The following CYP19A1 variants were observed in gnomAD, a reference collection of about 807,000 sequenced individuals.
CYP19A1 encodes the protein cytochrome P450 family 19 subfamily A member 1.
A neutral mutation model predicts 44.4 loss-of-function variants in CYP19A1; 32 were observed. That is an observed-to-expected ratio of 0.72 (90% confidence interval 0.54 to 0.97). The LOEUF (loss-of-function observed/expected upper bound fraction) is 0.97, where lower values mean the gene tolerates loss of function less well. CYP19A1 is among the 50% of genes least tolerant of loss of function. The pLI is 0.00. For synonymous variants in CYP19A1, 212 were observed against 215.6 expected (o/e 0.98, Z 0.14); for missense variants, 598 against 637.8 (o/e 0.94, Z 0.67).
chr15:51,262,045 T>G (rs1420174553), intron 1 of CYP19A1, among the ~76,000 whole-genome samples: 1 of 152,166 alleles, frequency 6.6e-6, no homozygotes, highest in East Asian at 1.9e-4. Context: ...GTCATGGCCA[T>G]AATGCCCATG....
rs147973841 is a variant in CYP19A1, at chr15:51,220,199, A to C, written c.629-1544T>G. Among the ~76,000 whole-genome samples the C allele has an allele frequency of 2.5e-3, 379 of 152,310 alleles. 3 individuals are homozygous for C. The highest frequency in any genetic ancestry group is 8.3e-3 in the African/African-American group (346 of 41,552). On this transcript the variant is annotated intron_variant, in intron 5 of 9. Coordinates refer to ENST00000396402, the MANE Select transcript of CYP19A1 (RefSeq NM_000103.4). ...GCCTCACTAAATTCGAGCTATGGTC[A>C]AATGTCTTCTCTGCAGAGGCCTTTT...
chr15:51,283,246 C>G (rs1295576838), intron 1 of CYP19A1, among the ~76,000 whole-genome samples: 1 of 152,134 alleles, frequency 6.6e-6, no homozygotes, highest in Non-Finnish European at 1.5e-5. Flanking sequence ...TTTTACTAGC[C>G]CGTTGGCTCC....
intron 1 of CYP19A1, among the ~76,000 whole-genome samples, chr15:51,303,058 C>G (rs1257000260): frequency 6.6e-6 from 1 of 152,246 alleles, no homozygotes; most frequent in Non-Finnish European, 1.5e-5. Context: ...ACCGCTCTTT[C>G]TCTTTCACAG....
rs1455401657 is a variant in CYP19A1 at position 51,242,834 on chromosome 15, G to A, written c.79C>T (p.Pro27Ser). The A allele has an allele frequency of 3.1e-6, 5 of 1,589,414 alleles. No individual in the cohort carries two copies. Among genetic ancestry groups the A allele is most frequent in the African/African-American group, 1.3e-5 (1 of 74,380 alleles). ...VPEAMPAATM[P>S]VLLLTGLFLL... Reference sequence around the variant, plus strand: ...AAAAGGCCAGTGAGGAGCAGGACTGGCATGGTGGCAGCAGGCATGGCTTCA... The same window carrying A: ...AAAAGGCCAGTGAGGAGCAGGACTGACATGGTGGCAGCAGGCATGGCTTCA... The change falls in exon 2 of 10, where the codon CCA (proline) becomes TCA (serine). Residue 27 changes from proline to serine, a missense_variant. Coordinates refer to ENST00000396402, the MANE Select transcript of CYP19A1 (RefSeq NM_000103.4).
At chr15:51,286,927 G>A (rs550895586) in intron 1 of CYP19A1, among the ~76,000 whole-genome samples, 7 of 152,296 alleles carry the variant, frequency 4.6e-5, no homozygotes, top group African/African-American at 1.7e-4. Flanking sequence ...GCCTCTAGAG[G>A]GGACAGGAGG....
chr15:51,218,394 T>A (rs1446957985), intron 6 of CYP19A1, 147 bp downstream of exon 6: 1 of 1,236,640 alleles, frequency 8.1e-7, no homozygotes, highest in Non-Finnish European at 1.1e-6. Context: ...CTGTAAAAAG[T>A]GTTTCATCAG....
In CYP19A1 at chr15:51,283,191, C is replaced by T. The variant is rs868531675; in HGVS notation, c.-38-40241G>A. On this transcript the variant is annotated intron_variant, in intron 1 of 9. Coordinates refer to ENST00000396402, the MANE Select transcript of CYP19A1 (RefSeq NM_000103.4). ...AATTTCAGATTCTGAATGTGAGGAACAGAAACCGGAGGAAATTAAAGAAAG... is the reference window on the plus strand; with the variant it reads ...AATTTCAGATTCTGAATGTGAGGAATAGAAACCGGAGGAAATTAAAGAAAG... Among the ~76,000 whole-genome samples, 7 of 151,422 alleles carry T rather than the reference C, an allele frequency of 4.6e-5. No individual in the cohort carries two copies. The South Asian group carries it at 1.2e-3, about 27-fold the overall frequency.
At chr15:51,233,072 G>C (rs997467110) in intron 3 of CYP19A1, among the ~76,000 whole-genome samples, 1 of 152,188 alleles carries the variant, frequency 6.6e-6, no homozygotes, top group African/African-American at 2.4e-5. Context: ...CCAGGTCTCT[G>C]CATGGGCTAC....
At chr15:51,212,213 G>GAGTA in intron 9 of CYP19A1, 107 bp downstream of exon 9, 1 of 857,852 alleles carries the variant, frequency 1.2e-6, no homozygotes, top group Non-Finnish European at 2.0e-6. Flanking sequence ...CAGAGGGAAT[G>GAGTA]AGTAAGAAAA....
intron 1 of CYP19A1, among the ~76,000 whole-genome samples, chr15:51,263,220 G>A (rs570453662): frequency 1.3e-4 from 20 of 152,312 alleles, no homozygotes; most frequent in East Asian, 5.8e-4. Flanking sequence ...TCACTGAAGC[G>A]GAAGAGAGAG....
At chr15:51,278,824 T>TTTC (rs2035418007) in intron 1 of CYP19A1, 1 of 152,212 alleles carries the variant, frequency 6.6e-6, no homozygotes, top group South Asian at 2.1e-4. Context: ...GAGAGGAGCC[T>TTTC]TTCTCTCTTT....
At chr15:51,227,573 G>A (rs936945669) in intron 4 of CYP19A1, among the ~76,000 whole-genome samples, 18 of 151,896 alleles carry the variant, frequency 1.2e-4, no homozygotes, top group Admixed American at 9.2e-4. Flanking sequence ...GCGAGGCTGA[G>A]GTGGGAGAAT....
intron 1 of CYP19A1, among the ~76,000 whole-genome samples, chr15:51,319,625 T>C (rs2036491352): frequency 6.6e-6 from 1 of 152,256 alleles, no homozygotes; most frequent in Admixed American, 6.5e-5. Context: ...GTTTCTTCAT[T>C]GGCTGCAGGA....
At chr15:51,289,133 T>C (rs28757122) in intron 1 of CYP19A1, among the ~76,000 whole-genome samples, 22,921 of 152,152 alleles carry the variant, frequency 0.15, 3,289 homozygotes, top group African/African-American at 0.37. Flanking sequence ...AGCAGACATG[T>C]GGAATTGTTT....
chr15:51,262,097 T>G (rs764070986), intron 1 of CYP19A1, among the ~76,000 whole-genome samples: 26 of 152,208 alleles, frequency 1.7e-4, no homozygotes, highest in Non-Finnish European at 3.1e-4. Context: ...AAGGAACACC[T>G]GGCCCACCCA....
At chr15:51,214,882 T>A in intron 8 of CYP19A1, 188 bp downstream of exon 8, 1 of 942,892 alleles carries the variant, frequency 1.1e-6, no homozygotes, top group Non-Finnish European at 1.5e-6. Context: ...ATTTTTATGA[T>A]TAAGAACACA....
intron 1 of CYP19A1, among the ~76,000 whole-genome samples, chr15:51,304,035 T>C (rs2036165529): frequency 1.3e-5 from 2 of 152,034 alleles, no homozygotes; most frequent in African/African-American, 4.8e-5. Flanking sequence ...AGCAAAAAAG[T>C]TCAGAAAGAT....
chr15:51,310,119 G>A (rs1423403711), intron 1 of CYP19A1, among the ~76,000 whole-genome samples: 1 of 152,164 alleles, frequency 6.6e-6, no homozygotes, highest in Non-Finnish European at 1.5e-5. Flanking sequence ...CAAAAAAGAT[G>A]AATTCCAACT....
intron 2 of CYP19A1, among the ~76,000 whole-genome samples, chr15:51,240,347 A>C (rs28489781): frequency 0.017 from 2,530 of 152,254 alleles, 99 homozygotes; most frequent in African/African-American, 0.059. Flanking sequence ...TTTGAGTCTC[A>C]GTTTTGCCAA....
Sources: gnomAD v4.1 joint callset for allele counts (sites outside exome capture counted in the v4.1 genomes callset) on GRCh38, gnomAD v4.1.1 for gene constraint, MANE v1.5 for transcripts, NCBI Gene and HGNC (gene_info 2026-07-23, HGNC 2026-07-21) for gene names.